Variants in PMEPA1 observed in about 807,000 individuals in gnomAD.
The protein encoded by PMEPA1 is prostate transmembrane protein, androgen induced 1.
In PMEPA1, 11 loss-of-function variants were observed where a neutral mutation model predicts 23.0. The observed-to-expected ratio is 0.48, with a 90% CI of 0.30 to 0.79. PMEPA1 has a LOEUF of 0.79. Ranked by LOEUF, PMEPA1 falls within the 30% of genes least tolerant of loss-of-function variation. The probability of loss-of-function intolerance (pLI) is 0.06; values close to 1 mark genes in which losing one functional copy is unlikely to be tolerated. For missense variants in PMEPA1, 377 were observed against 390.9 expected, an observed-to-expected ratio of 0.96 and a Z score of 0.30; for synonymous variants, 204 against 166.4, an observed-to-expected ratio of 1.23 and a Z score of -1.74.
chr20:57,695,126 C>T (rs77105344), intron 1 of PMEPA1, among the ~76,000 whole-genome samples: 2,574 of 152,360 alleles, frequency 0.017, 166 homozygotes, highest in Admixed American at 0.12. Context: ...CGGCGTTTGC[C>T]GCCTCTGAGT....
Position 57,686,319 on chromosome 20 carries a change from C to T in PMEPA1, c.109+23155G>A, listed in dbSNP as rs60293505. Among the ~76,000 whole-genome samples, 136 of 152,350 alleles carry T rather than the reference C, an allele frequency of 8.9e-4. 1 individual carries two copies. The East Asian group carries it at 0.023, about 26-fold the overall frequency. ...CAGCGACCTTTCTCTGATGGGGTGC[C>T]GGCCAAGCGGTCACTTCCTTTCCAT... On this transcript the variant is annotated intron_variant, in intron 1 of 3. Coordinates refer to ENST00000341744, the MANE Select transcript of PMEPA1 (RefSeq NM_020182.5).
intron 1 of PMEPA1, among the ~76,000 whole-genome samples, chr20:57,661,818 G>A (rs1259924536): frequency 2.0e-5 from 3 of 152,190 alleles, no homozygotes. Context: ...AGTGGCAGAC[G>A]CCTCTCCACA....
chr20:57,692,505 C>A (rs2071895660), intron 1 of PMEPA1, among the ~76,000 whole-genome samples: 1 of 149,992 alleles, frequency 6.7e-6, no homozygotes, highest in African/African-American at 2.4e-5. Context: ...CCCTGAAGCC[C>A]CTCCCTGCCA....
At chr20:57,664,637 G>C (rs1055323779) in intron 1 of PMEPA1, among the ~76,000 whole-genome samples, 1 of 152,128 alleles carries the variant, frequency 6.6e-6, no homozygotes, top group Non-Finnish European at 1.5e-5. Flanking sequence ...CGGACTCTCA[G>C]GATCAGATGC....
At chr20:57,664,713 C>A (rs757902077) in intron 1 of PMEPA1, among the ~76,000 whole-genome samples, 3 of 152,178 alleles carry the variant, frequency 2.0e-5, no homozygotes, top group Admixed American at 2.0e-4. Context: ...GAAGGCCCAG[C>A]GCGGCCGCAT....
intron 1 of PMEPA1, among the ~76,000 whole-genome samples, chr20:57,708,227 C>T (rs2146720261): frequency 6.6e-6 from 1 of 152,370 alleles, no homozygotes; most frequent in African/African-American, 2.4e-5. Context: ...CTCCGGGCCC[C>T]AGCTAGGGGC....
chr20:57,660,738 A>C (rs145910936), intron 1 of PMEPA1, among the ~76,000 whole-genome samples: 2,191 of 143,644 alleles, frequency 0.015, 111 homozygotes, highest in African/African-American at 0.056. Flanking sequence ...TAACACTCCT[A>C]CACACACAAC....
At chr20:57,705,965 G>C (rs1476719781) in intron 1 of PMEPA1, among the ~76,000 whole-genome samples, 3 of 152,222 alleles carry the variant, frequency 2.0e-5, no homozygotes, top group Non-Finnish European at 4.4e-5. Context: ...CTTGATTCAA[G>C]CAAGTGTCAA....
In PMEPA1 at chr20:57,652,237, C is replaced by T. The variant is rs1262955627; in HGVS notation, c.680G>A (p.Gly227Glu). The part of the protein sequence containing the change: ...TCYGSGGRME[G>E]PPPTYSEVIG... ...GACCTCGCTGTAGGTGGGCGGCGGC[C>T]CCTCCATGCGCCCGCCGCTGCCGTA... The change falls in exon 4 of 4, where the codon GGG (glycine) becomes GAG (glutamate). Residue 227 changes from glycine to glutamate, a missense_variant. By Grantham distance (98) the Gly-to-Glu change is moderately conservative (BLOSUM62 -2). Transcript: ENST00000341744. The surrounding 1 kb of genome is among the most constrained non-coding windows in gnomAD (Gnocchi z 6.1). 6.2e-7 allele frequency: 1 copy of T among 1,607,334 alleles called. No homozygotes were observed. Among genetic ancestry groups the T allele is most frequent in the Non-Finnish European group, 8.5e-7 (1 of 1,179,250 alleles).
intron 1 of PMEPA1, among the ~76,000 whole-genome samples, chr20:57,699,518 CCA>C (rs982505993): frequency 1.3e-5 from 2 of 152,196 alleles, no homozygotes; most frequent in African/African-American, 4.8e-5. Flanking sequence ...CAGGACCCCG[CCA>C]CAGTCTCTCT....
intron 1 of PMEPA1, among the ~76,000 whole-genome samples, chr20:57,664,285 C>T (rs1239007721): frequency 6.6e-6 from 1 of 152,196 alleles, no homozygotes; most frequent in Non-Finnish European, 1.5e-5. Context: ...CCACACCACC[C>T]CAGGGATGCC....
At chr20:57,691,634 T>C (rs977224348) in intron 1 of PMEPA1, among the ~76,000 whole-genome samples, 1 of 152,132 alleles carries the variant, frequency 6.6e-6, no homozygotes, top group Non-Finnish European at 1.5e-5. Flanking sequence ...ATTACTCTGC[T>C]GTTGAGGGTT....
chr20:57,663,087 T>C (rs1004421049), intron 1 of PMEPA1, among the ~76,000 whole-genome samples: 1 of 152,128 alleles, frequency 6.6e-6, no homozygotes, highest in African/African-American at 2.4e-5. Context: ...CCGGGCTCAG[T>C]AGCGCATAAG....
At chr20:57,703,302 T>C (rs888869370) in intron 1 of PMEPA1, among the ~76,000 whole-genome samples, 1 of 152,240 alleles carries the variant, frequency 6.6e-6, no homozygotes, top group African/African-American at 2.4e-5. Context: ...CCCCCACATA[T>C]GATCACCTGT....
chr20:57,668,886 C>T (rs1352179599), intron 1 of PMEPA1, among the ~76,000 whole-genome samples: 1 of 152,200 alleles, frequency 6.6e-6, no homozygotes, highest in Admixed American at 6.5e-5. Flanking sequence ...TTGATCCCGG[C>T]CCCCAGGTCC....
intron 1 of PMEPA1, among the ~76,000 whole-genome samples, chr20:57,696,566 C>CT (rs2146704695): frequency 6.6e-6 from 1 of 152,316 alleles, no homozygotes; most frequent in East Asian, 1.9e-4. Flanking sequence ...GAGCACCTGC[C>CT]ACTGTCAGTA....
Position 57,653,028 on chromosome 20 carries a change from C to G in PMEPA1, c.318+5G>C. On this transcript the variant is annotated splice_donor_5th_base_variant and intron_variant, in intron 3 of 3. Coordinates refer to ENST00000341744, the MANE Select transcript of PMEPA1 (RefSeq NM_020182.5). Reference sequence around the variant, plus strand: ...TGTTGGAGGGGAGGCCGAGGGAGGTCTCACCTCTGGGATTCCGTTGCCTGA... The same window carrying G: ...TGTTGGAGGGGAGGCCGAGGGAGGTGTCACCTCTGGGATTCCGTTGCCTGA... The G allele has an allele frequency of 1.3e-6, 2 of 1,594,100 alleles. No homozygotes were observed. The highest frequency in any genetic ancestry group is 1.1e-5 in the South Asian group (1 of 87,728).
chr20:57,659,284 T>C (rs1344666854), intron 2 of PMEPA1, among the ~76,000 whole-genome samples: 1 of 152,108 alleles, frequency 6.6e-6, no homozygotes, highest in Non-Finnish European at 1.5e-5. Flanking sequence ...GTCAGCTGAG[T>C]GCGTGAGTGG....
At chr20:57,662,056 T>C (rs2071428726) in intron 1 of PMEPA1, among the ~76,000 whole-genome samples, 1 of 151,926 alleles carries the variant, frequency 6.6e-6, no homozygotes, top group Admixed American at 6.5e-5. Context: ...GGGCCGCATC[T>C]GCACCCAGGG....
Sources: gnomAD v4.1 joint callset for allele counts (sites outside exome capture counted in the v4.1 genomes callset) on GRCh38, gnomAD v4.1.1 for gene constraint, Gnocchi (gnomAD v3.1) non-coding constraint, MANE v1.5 for transcripts, NCBI Gene and HGNC (gene_info 2026-07-23, HGNC 2026-07-21) for gene names.